Variants in CA10 observed in about 807,000 individuals in gnomAD.
CA10 encodes carbonic anhydrase-related protein 10.
Under a neutral mutation model 44.2 loss-of-function variants are expected in CA10, and 14 were observed. The ratio of observed to expected loss-of-function variants is 0.32; its 90% CI spans 0.21 to 0.50. The LOEUF (loss-of-function observed/expected upper bound fraction) is 0.50. Ranked by LOEUF, CA10 falls within the 20% of genes least tolerant of loss-of-function variation. The probability of loss-of-function intolerance (pLI) is 0.99; values close to 1 mark genes in which losing one functional copy is unlikely to be tolerated. For synonymous variants in CA10, 159 were observed against 141.6 expected, an observed-to-expected ratio of 1.12 and a Z score of -0.87; for missense variants, 350 against 409.7, an observed-to-expected ratio of 0.85 and a Z score of 1.26.
At chr17:51,943,767 G>A (rs1050992424) in intron 2 of CA10, among the ~76,000 whole-genome samples, 2 of 152,172 alleles carry the variant, frequency 1.3e-5, no homozygotes, top group Non-Finnish European at 2.9e-5. Context: ...ATGATAATAG[G>A]AGAAACCAGC....
At chr17:51,769,651 A>C (rs1005911839) in intron 3 of CA10, among the ~76,000 whole-genome samples, 1 of 152,224 alleles carries the variant, frequency 6.6e-6, no homozygotes, top group Non-Finnish European at 1.5e-5. Flanking sequence ...CATCAAAGAT[A>C]TATTTCCAGT....
intron 2 of CA10, among the ~76,000 whole-genome samples, chr17:52,059,119 A>C (rs1244105489): frequency 6.6e-6 from 1 of 152,152 alleles, no homozygotes; most frequent in Non-Finnish European, 1.5e-5. Context: ...TAGAGATGAA[A>C]AATCAGAAAT....
At chr17:52,121,757 G>T (rs897421599) in intron 1 of CA10, among the ~76,000 whole-genome samples, 6 of 151,938 alleles carry the variant, frequency 3.9e-5, no homozygotes, top group Non-Finnish European at 7.4e-5. Flanking sequence ...GTCAATCACA[G>T]CTCAGAACAC....
intron 4 of CA10, among the ~76,000 whole-genome samples, chr17:51,693,722 TTTTC>T (rs530571468): frequency 1.4e-3 from 217 of 152,336 alleles, no homozygotes; most frequent in African/African-American, 4.9e-3. Context: ...ATGTACCATA[TTTTC>T]TTTATTTGAT....
Position 51,837,701 on chromosome 17 carries a change from A to G in CA10, c.280-89883T>C, listed in dbSNP as rs140668473. On this transcript the variant is annotated intron_variant, in intron 3 of 8. Coordinates refer to ENST00000451037, the MANE Select transcript of CA10 (RefSeq NM_020178.5). ...AATGTGAAAATGTAAAATATTTTAT[A>G]TATGCCAAGTATACCTATATGAGGG... Among the ~76,000 whole-genome samples the G allele has an allele frequency of 3.9e-3, 594 of 152,330 alleles. 3 individuals carry two copies. Among genetic ancestry groups the G allele is most frequent in the Non-Finnish European group, 7.0e-3 (477 of 68,030 alleles).
chr17:51,764,918 C>T (rs1211899119), intron 3 of CA10, among the ~76,000 whole-genome samples: 1 of 152,160 alleles, frequency 6.6e-6, no homozygotes, highest in Non-Finnish European at 1.5e-5. Flanking sequence ...CTGTGAAGGG[C>T]CTGCAATATA....
At chr17:51,841,450 G>A (rs1408584083) in intron 3 of CA10, among the ~76,000 whole-genome samples, 1 of 152,228 alleles carries the variant, frequency 6.6e-6, no homozygotes, top group Non-Finnish European at 1.5e-5. Context: ...GCTCATGGCA[G>A]TGTTTCTGGT....
chr17:51,654,713 C>G (rs966016221), intron 4 of CA10, among the ~76,000 whole-genome samples: 1 of 152,022 alleles, frequency 6.6e-6, no homozygotes, highest in Non-Finnish European at 1.5e-5. Context: ...CATGTCACCA[C>G]GCCAGGCTAA....
intron 2 of CA10, among the ~76,000 whole-genome samples, chr17:52,029,774 C>G (rs1054060932): frequency 6.6e-6 from 1 of 152,146 alleles, no homozygotes; most frequent in Non-Finnish European, 1.5e-5. Context: ...GCCATTGAAC[C>G]TTGACCACAA....
chr17:51,695,602 A>G (rs1016900628), intron 4 of CA10, among the ~76,000 whole-genome samples: 4 of 152,184 alleles, frequency 2.6e-5, no homozygotes, highest in Non-Finnish European at 5.9e-5. Context: ...GTATCATATC[A>G]TCAGCAAAGA....
chr17:51,673,096 GA>G (rs1242712078), intron 4 of CA10, among the ~76,000 whole-genome samples: 1 of 152,232 alleles, frequency 6.6e-6, no homozygotes, highest in Non-Finnish European at 1.5e-5. Context: ...ATGGTTTCAG[GA>G]AAGGGCCATT....
At chr17:51,713,471 G>A (rs1567813417) in intron 4 of CA10, among the ~76,000 whole-genome samples, 1 of 152,268 alleles carries the variant, frequency 6.6e-6, no homozygotes, top group East Asian at 1.9e-4. Flanking sequence ...GACAAAAATA[G>A]GGCCTGAAAA....
At chr17:52,088,689 T>C (rs1988182768) in intron 1 of CA10, among the ~76,000 whole-genome samples, 1 of 152,172 alleles carries the variant, frequency 6.6e-6, no homozygotes, top group Non-Finnish European at 1.5e-5. Flanking sequence ...AAAATAGGCA[T>C]TTTCCCCCTC....
At chr17:51,785,994 A>G (rs1906255752) in intron 3 of CA10, among the ~76,000 whole-genome samples, 1 of 151,978 alleles carries the variant, frequency 6.6e-6, no homozygotes, top group Non-Finnish European at 1.5e-5. Flanking sequence ...TTCTTTCATC[A>G]GTGTTTTATT....
intron 2 of CA10, among the ~76,000 whole-genome samples, chr17:51,932,016 T>A (rs143847275): frequency 6.6e-6 from 1 of 152,278 alleles, no homozygotes; most frequent in Non-Finnish European, 1.5e-5. Context: ...GTCCTTCAGA[T>A]TCCCCTGAGA....
At chr17:52,000,608 A>G (rs79518240) in intron 2 of CA10, among the ~76,000 whole-genome samples, 1,659 of 152,182 alleles carry the variant, frequency 0.011, 24 homozygotes, top group African/African-American at 0.038. Flanking sequence ...GAGTATAAAA[A>G]TGGCTTGCTT....
intron 3 of CA10, among the ~76,000 whole-genome samples, chr17:51,857,684 T>G (rs1979115343): frequency 6.6e-6 from 1 of 152,126 alleles, no homozygotes; most frequent in African/African-American, 2.4e-5. Context: ...TAATGTTCTA[T>G]TCCCACAGCC....
At chr17:51,740,771 C>T (rs373342136) in intron 4 of CA10, among the ~76,000 whole-genome samples, 27 of 152,112 alleles carry the variant, frequency 1.8e-4, no homozygotes, top group South Asian at 8.3e-4. Flanking sequence ...ATGGTACTGG[C>T]GATTGCCTCT....
intron 3 of CA10, among the ~76,000 whole-genome samples, chr17:51,887,853 A>G (rs545038451): frequency 1.3e-5 from 2 of 150,524 alleles, no homozygotes; most frequent in East Asian, 3.9e-4. Flanking sequence ...CAAAAAAAAA[A>G]AGAAAAAAAA....
Sources: gnomAD v4.1 joint callset for allele counts (sites outside exome capture counted in the v4.1 genomes callset) on GRCh38, gnomAD v4.1.1 for gene constraint, MANE v1.5 for transcripts, NCBI Gene and HGNC (gene_info 2026-07-23, HGNC 2026-07-21) for gene names.